Variants in FHIT observed in about 807,000 individuals in gnomAD.
FHIT encodes the protein bis(5'-adenosyl)-triphosphatase.
Under a neutral mutation model 17.9 loss-of-function variants are expected in FHIT, and 19 were observed. The observed-to-expected ratio is 1.06, with a 90% CI of 0.74 to 1.56. The LOEUF (loss-of-function observed/expected upper bound fraction) is 1.56, where lower values mean the gene tolerates loss of function less well. Among genes scored for constraint, FHIT ranks in the 40% most tolerant of loss-of-function variants. The probability of loss-of-function intolerance (pLI) is 0.00; values close to 1 mark genes in which losing one functional copy is unlikely to be tolerated. For synonymous variants in FHIT, 81 were observed against 69.7 expected, an observed-to-expected ratio of 1.16 and a Z score of -0.81; for missense variants, 248 against 189.2, an observed-to-expected ratio of 1.31 and a Z score of -1.82.
intron 3 of FHIT, among the ~76,000 whole-genome samples, chr3:60,861,829 A>T (rs782147219): frequency 2.6e-5 from 4 of 151,924 alleles, no homozygotes; most frequent in South Asian, 2.1e-4. Context: ...TAGTTTGTGT[A>T]GTCCCAGCTA....
At chr3:61,219,142 T>A (rs2039766643) in intron 1 of FHIT, among the ~76,000 whole-genome samples, 1 of 152,064 alleles carries the variant, frequency 6.6e-6, no homozygotes, top group Non-Finnish European at 1.5e-5. Context: ...TATTTGTGTA[T>A]CTAAACATCT....
intron 4 of FHIT, among the ~76,000 whole-genome samples, chr3:60,719,103 C>A (rs986133077): frequency 1.6e-4 from 25 of 152,184 alleles, no homozygotes; most frequent in African/African-American, 5.8e-4. Context: ...CTTAGCCTCT[C>A]TCCATTGGCC....
At chr3:60,139,655 G>A (rs528003890) in intron 5 of FHIT, among the ~76,000 whole-genome samples, 2 of 152,144 alleles carry the variant, frequency 1.3e-5, no homozygotes, top group South Asian at 4.2e-4. Flanking sequence ...GGAAAGGAGG[G>A]GCTATTCCAC....
At chr3:60,112,260 T>A (rs1442182237) in intron 5 of FHIT, among the ~76,000 whole-genome samples, 2 of 152,062 alleles carry the variant, frequency 1.3e-5, no homozygotes, top group Admixed American at 1.3e-4. Flanking sequence ...CAGAACAATA[T>A]CCCATTGACC....
chr3:60,058,171 C>CGCTCTGT (rs1301580423), intron 5 of FHIT, among the ~76,000 whole-genome samples: 2 of 124,520 alleles, frequency 1.6e-5, no homozygotes, highest in Non-Finnish European at 3.2e-5. Flanking sequence ...GACAGAGTCT[C>CGCTCTGT]GCTCTGTCAC....
intron 8 of FHIT, among the ~76,000 whole-genome samples, chr3:59,855,043 C>A (rs377175740): frequency 1.2e-4 from 18 of 152,212 alleles, no homozygotes; most frequent in African/African-American, 4.3e-4. Flanking sequence ...GCCTCTGAAG[C>A]AGTTTGATTC....
At chr3:60,530,502 A>C (rs183990484) in intron 5 of FHIT, among the ~76,000 whole-genome samples, 1 of 152,316 alleles carries the variant, frequency 6.6e-6, no homozygotes, top group African/African-American at 2.4e-5. Flanking sequence ...TAAAAAATAA[A>C]GATGTCAGTC....
At chr3:60,686,561 A>G (rs2040866696) in intron 4 of FHIT, among the ~76,000 whole-genome samples, 2 of 152,084 alleles carry the variant, frequency 1.3e-5, no homozygotes, top group South Asian at 4.2e-4. Flanking sequence ...TTAAAAATAC[A>G]ATCTCTGTTC....
intron 4 of FHIT, among the ~76,000 whole-genome samples, chr3:60,762,877 T>C (rs1335142293): frequency 2.0e-5 from 3 of 152,182 alleles, no homozygotes; most frequent in Non-Finnish European, 4.4e-5. Context: ...GGGTATTTAT[T>C]GTGTTGGCCT....
At chr3:60,156,304 T>C (rs1337002921) in intron 5 of FHIT, among the ~76,000 whole-genome samples, 7 of 151,108 alleles carry the variant, frequency 4.6e-5, no homozygotes, top group African/African-American at 1.5e-4. Context: ...GAGCCGAGAT[T>C]GTGCCACTGC....
intron 4 of FHIT, among the ~76,000 whole-genome samples, chr3:60,764,390 T>C (rs1435313917): frequency 6.6e-6 from 1 of 152,074 alleles, no homozygotes; most frequent in Non-Finnish European, 1.5e-5. Flanking sequence ...CATCATGAAA[T>C]AGGATTTCCT....
intron 4 of FHIT, among the ~76,000 whole-genome samples, chr3:60,594,175 G>A (rs1201272351): frequency 7.2e-5 from 11 of 152,072 alleles, no homozygotes; most frequent in Non-Finnish European, 1.5e-4. Flanking sequence ...AAAGTCTGTG[G>A]AAACAGTACA....
intron 5 of FHIT, among the ~76,000 whole-genome samples, chr3:60,023,911 G>C (rs1224985084): frequency 6.6e-6 from 1 of 151,894 alleles, no homozygotes; most frequent in African/African-American, 2.4e-5. Flanking sequence ...TCCCCAAACT[G>C]TGGGTTCTTA....
At position 60,248,674 on chromosome 3, in the gene FHIT, T is replaced by C. The variant is rs564049208; in HGVS notation, c.104-234522A>G. ...GGTGCCAAAAAACATTAACAATTGTTCAACCTAAATGGTTAGTATTCAGGT... is the reference window on the plus strand; with the variant it reads ...GGTGCCAAAAAACATTAACAATTGTCCAACCTAAATGGTTAGTATTCAGGT... On this transcript the variant is annotated intron_variant, in intron 5 of 9. Transcript: ENST00000492590. Among the ~76,000 whole-genome samples, 14 of 152,284 alleles carry C rather than the reference T, an allele frequency of 9.2e-5. No individual in the cohort carries two copies. The East Asian group carries it at 2.7e-3, about 29-fold the overall frequency.
chr3:60,280,342 G>A (rs1437668513), intron 5 of FHIT, among the ~76,000 whole-genome samples: 3 of 152,132 alleles, frequency 2.0e-5, no homozygotes, highest in Non-Finnish European at 4.4e-5. Context: ...ATCTCCCAAA[G>A]ATATCAGGTC....
chr3:60,825,675 C>T (rs1553740735), intron 3 of FHIT, among the ~76,000 whole-genome samples: 1 of 152,070 alleles, frequency 6.6e-6, no homozygotes, highest in African/African-American at 2.4e-5. Context: ...CTGCCTGCTC[C>T]TTATGATGAG....
chr3:61,213,932 G>C (rs995679445), intron 1 of FHIT, among the ~76,000 whole-genome samples: 1 of 152,114 alleles, frequency 6.6e-6, no homozygotes, highest in Non-Finnish European at 1.5e-5. Flanking sequence ...AATGAAGGCA[G>C]AAATAAAGAT....
chr3:60,157,479 G>A (rs890881247), intron 5 of FHIT, among the ~76,000 whole-genome samples: 10 of 151,810 alleles, frequency 6.6e-5, no homozygotes, highest in Admixed American at 5.3e-4. Flanking sequence ...ATGATATTCT[G>A]AAAAAAAATA....
chr3:59,951,505 G>C (rs1346953073), intron 7 of FHIT, among the ~76,000 whole-genome samples: 1 of 152,138 alleles, frequency 6.6e-6, no homozygotes. Context: ...AACTCTGAAG[G>C]ACTCTGACAT....
Sources: allele counts gnomAD v4.1 joint callset (sites outside exome capture counted in the v4.1 genomes callset), GRCh38; gene constraint gnomAD v4.1.1; transcripts MANE v1.5; gene names NCBI Gene and HGNC (gene_info 2026-07-23, HGNC 2026-07-21).